PLCG2: variants seen among roughly 807,000 people sequenced by gnomAD.
The protein encoded by PLCG2 is 1-phosphatidylinositol 4,5-bisphosphate phosphodiesterase gamma-2.
A neutral mutation model predicts 175.6 loss-of-function variants in PLCG2; 69 were observed. The observed-to-expected ratio is 0.39, with a 90% confidence interval of 0.32 to 0.48. The LOEUF (loss-of-function observed/expected upper bound fraction) is 0.48, where lower values mean the gene tolerates loss of function less well. PLCG2 is among the 20% of genes least tolerant of loss of function. The pLI, the probability that PLCG2 is intolerant of heterozygous loss-of-function variation, is 0.91. For synonymous variants in PLCG2, 827 were observed against 624.0 expected (o/e 1.33, Z -4.85); for missense variants, 1,798 against 1,650.9 (o/e 1.09, Z -1.54).
Position 81,928,719 on chromosome 16 carries a change from G to T in PLCG2, c.2581+95G>T, listed in dbSNP as rs1910381223. ...TACACAGGGAGGTGGCTGACACAGG[G>T]TCCTGTCTTGAATGCCAGCTCCTTC... On this transcript the variant is annotated intron_variant, in intron 24 of 32. Coordinates refer to ENST00000564138, the MANE Select transcript of PLCG2 (RefSeq NM_002661.5). 6 of 816,432 alleles carry T rather than the reference G, an allele frequency of 7.3e-6. No homozygotes were observed. In the Admixed American group the frequency reaches 1.1e-4, roughly 15 times the overall value. 50.6% of individuals were successfully genotyped at this position (816,432 alleles called of 1,614,324 possible).
chr16:81,907,002 C>T (rs1479445300), intron 15 of PLCG2, among the ~76,000 whole-genome samples: 25 of 144,748 alleles, frequency 1.7e-4, no homozygotes, highest in African/African-American at 5.9e-4. Context: ...TGAGCCACTG[C>T]ACTCCAGCCT....
intron 1 of PLCG2, among the ~76,000 whole-genome samples, chr16:81,741,536 G>T (rs903556280): frequency 2.0e-5 from 3 of 152,168 alleles, no homozygotes; most frequent in African/African-American, 7.2e-5. Context: ...CAGGCCAGAC[G>T]TGGTGGCTCA....
At chr16:81,834,723 C>G (rs949294143) in intron 2 of PLCG2, among the ~76,000 whole-genome samples, 3 of 152,226 alleles carry the variant, frequency 2.0e-5, no homozygotes, top group East Asian at 1.9e-4. Context: ...GGAGAACCCA[C>G]TGGACCAAGG....
At chr16:81,863,653 G>GT (rs1329294588) in intron 5 of PLCG2, among the ~76,000 whole-genome samples, 5 of 152,322 alleles carry the variant, frequency 3.3e-5, no homozygotes, top group Admixed American at 1.3e-4. Context: ...TTGCTATACT[G>GT]TTTTCTGTAG....
intron 5 of PLCG2, among the ~76,000 whole-genome samples, chr16:81,861,834 A>AC: frequency 6.6e-6 from 1 of 151,956 alleles, no homozygotes; most frequent in South Asian, 2.1e-4. Context: ...AATGGATACC[A>AC]CCCTCTTGCT....
chr16:81,792,075 A>T (rs918593728), intron 2 of PLCG2, among the ~76,000 whole-genome samples: 1 of 152,192 alleles, frequency 6.6e-6, no homozygotes, highest in Non-Finnish European at 1.5e-5. Context: ...GCAGGAACTG[A>T]TGGTGGCCAC....
chr16:81,761,467 C>T (rs1423672173), intron 2 of PLCG2, among the ~76,000 whole-genome samples: 1 of 152,138 alleles, frequency 6.6e-6, no homozygotes, highest in Non-Finnish European at 1.5e-5. Context: ...TGAGAGGTGA[C>T]GCGTTGTAAT....
At chr16:81,919,782 C>A (rs1349414670) in intron 20 of PLCG2, 118 bp downstream of exon 20, 1 of 774,688 alleles carries the variant, frequency 1.3e-6, no homozygotes, top group Non-Finnish European at 2.1e-6. Context: ...TGCTGTAGGT[C>A]CTGGGGATAC....
chr16:81,861,221 A>G (rs1350517889), intron 5 of PLCG2, among the ~76,000 whole-genome samples: 1 of 152,102 alleles, frequency 6.6e-6, no homozygotes, highest in Non-Finnish European at 1.5e-5. Context: ...TTATGTCATT[A>G]TCCTATGTGG....
chr16:81,780,179 C>T (rs563076515), intron 1 of PLCG2, among the ~76,000 whole-genome samples: 4 of 152,088 alleles, frequency 2.6e-5, no homozygotes, highest in African/African-American at 9.6e-5. Flanking sequence ...TGACATGGCG[C>T]GAGGGAAACA....
intron 1 of PLCG2, among the ~76,000 whole-genome samples, chr16:81,782,402 G>GA (rs1310883380): frequency 6.7e-6 from 1 of 150,048 alleles, no homozygotes; most frequent in Non-Finnish European, 1.5e-5. Context: ...TTCTTTTTTT[G>GA]AAAAAACCAA....
chr16:81,927,473 G>A (rs1178311296), intron 23 of PLCG2, among the ~76,000 whole-genome samples: 2 of 152,220 alleles, frequency 1.3e-5, no homozygotes, highest in Non-Finnish European at 2.9e-5. Context: ...TTTGTCCTTT[G>A]CTTAAGCAAC....
intron 2 of PLCG2, among the ~76,000 whole-genome samples, chr16:81,769,644 C>T (rs1160911745): frequency 1.3e-5 from 2 of 151,666 alleles, no homozygotes; most frequent in African/African-American, 2.4e-5. Context: ...GGTGAAACCC[C>T]GTCTCTACTA....
chr16:81,923,437 C>A, intron 21 of PLCG2, 48 bp from the exon 22 acceptor site: 1 of 1,190,448 alleles, frequency 8.4e-7, no homozygotes, highest in South Asian at 1.3e-5. Flanking sequence ...CCGCCTCCCT[C>A]CCCTCCTGTC....
At chr16:81,912,783 A>C (rs992505731) in intron 19 of PLCG2, 67 bp downstream of exon 19, 1 of 1,491,488 alleles carries the variant, frequency 6.7e-7, no homozygotes, top group Non-Finnish European at 8.9e-7. Context: ...CGGAGAGACA[A>C]GGGGGAACTT....
At chr16:81,893,622 T>G (rs1036041487) in intron 11 of PLCG2, 87 bp from the exon 12 acceptor site, 2 of 790,626 alleles carry the variant, frequency 2.5e-6, no homozygotes, top group African/African-American at 1.7e-5. Flanking sequence ...GGCGGAGAAG[T>G]TCCCCCACAA....
intron 1 of PLCG2, among the ~76,000 whole-genome samples, chr16:81,746,788 C>A (rs899091811): frequency 1.3e-5 from 2 of 152,160 alleles, no homozygotes; most frequent in African/African-American, 2.4e-5. Context: ...TGGTACAGTG[C>A]CTGACACACC....
intron 2 of PLCG2, among the ~76,000 whole-genome samples, chr16:81,767,240 G>C (rs1910171236): frequency 6.8e-6 from 1 of 147,406 alleles, no homozygotes; most frequent in Non-Finnish European, 1.5e-5. Flanking sequence ...TGCTTCCTGG[G>C]TTCAAGAGAT....
At chr16:81,845,640 C>T (rs188663191) in intron 2 of PLCG2, among the ~76,000 whole-genome samples, 250 of 152,336 alleles carry the variant, frequency 1.6e-3, no homozygotes, top group African/African-American at 5.8e-3. Flanking sequence ...AGCCTCGGGT[C>T]AGAAAGGTGG....
Sources: allele counts gnomAD v4.1 joint callset (sites outside exome capture counted in the v4.1 genomes callset), GRCh38; gene constraint gnomAD v4.1.1; transcripts MANE v1.5; gene names NCBI Gene and HGNC (gene_info 2026-07-23, HGNC 2026-07-21).